ZC3H18: variants seen among roughly 807,000 people sequenced by gnomAD.
ZC3H18 encodes zinc finger CCCH domain-containing protein 18.
A neutral mutation model predicts 106.1 loss-of-function variants in ZC3H18; 8 were observed. The ratio of observed to expected loss-of-function variants is 0.08; its 90% CI spans 0.04 to 0.14. ZC3H18 has a LOEUF of 0.14. ZC3H18 is among the 10% of genes least tolerant of loss of function. The probability of loss-of-function intolerance (pLI) is 1.00; values close to 1 mark genes in which losing one functional copy is unlikely to be tolerated. For synonymous variants in ZC3H18, 635 were observed against 522.1 expected (o/e 1.22, Z -2.95); for missense variants, 1,318 against 1,278.4 (o/e 1.03, Z -0.47).
At position 88,598,291 on chromosome 16, in the gene ZC3H18, C is replaced by T. The variant is rs748627275; in HGVS notation, c.802C>T (p.Leu268Phe). 6.2e-7 allele frequency: 1 copy of T among 1,608,276 alleles called. No individual in the cohort carries two copies. Among genetic ancestry groups the T allele is most frequent in the Non-Finnish European group, 8.5e-7 (1 of 1,178,374 alleles). ...CTTCCCGCCTAATGGTGCCCCGCCT[C>T]TCGGACCTCACCCGCTGATGCCCGC... ...DPFPPNGAPP[L>F]GPHPLMPANP... Residue 268 changes from leucine (L) to phenylalanine (F), a missense_variant, in exon 4 of 18, where the codon CTC (leucine) becomes TTC (phenylalanine). Transcript: ENST00000301011.
chr16:88,584,713 C>T (rs2142573710), intron 2 of ZC3H18, among the ~76,000 whole-genome samples: 1 of 152,252 alleles, frequency 6.6e-6, no homozygotes, highest in South Asian at 2.1e-4. Context: ...GTCTGTTTAC[C>T]GATCACCTTT....
At chr16:88,586,367 T>TGCGG (rs1335625325) in intron 2 of ZC3H18, among the ~76,000 whole-genome samples, 2 of 152,350 alleles carry the variant, frequency 1.3e-5, no homozygotes, top group African/African-American at 4.8e-5. Context: ...TTGCCCTGTG[T>TGCGG]GCTGCACAGT....
intron 6 of ZC3H18, among the ~76,000 whole-genome samples, chr16:88,607,200 G>C (rs1400799884): frequency 3.3e-5 from 5 of 152,202 alleles, no homozygotes; most frequent in Non-Finnish European, 7.3e-5. Context: ...GGGCGTGCCT[G>C]GGTCTGCCTC....
intron 1 of ZC3H18, among the ~76,000 whole-genome samples, chr16:88,575,975 A>T (rs919042708): frequency 6.6e-6 from 1 of 152,158 alleles, no homozygotes; most frequent in Non-Finnish European, 1.5e-5. Flanking sequence ...ATCTCAGCTC[A>T]CTGCAAGCTC....
rs1266133615 is a variant in ZC3H18, at chr16:88,577,519, G to A, written c.396G>A (p.Glu132=). 1.2e-6 allele frequency: 2 copies of A among 1,613,114 alleles called. No homozygotes were observed. Among genetic ancestry groups the A allele is most frequent in the African/African-American group, 1.3e-5 (1 of 74,900 alleles). Residue 132 remains glutamate (E), a synonymous_variant, in exon 2 of 18, where the codon GAG becomes GAA. Coordinates refer to ENST00000301011, the MANE Select transcript of ZC3H18 (RefSeq NM_144604.4). ...ATGAGCATGAGCTAGACTACGATGAGGAGGTTCCTGAGGAGCCAGCTCCCG... is the reference window on the plus strand; with the variant it reads ...ATGAGCATGAGCTAGACTACGATGAAGAGGTTCCTGAGGAGCCAGCTCCCG... ...ELDEHELDYD[E]EVPEEPAPAV...
chr16:88,601,457 T>A (rs534749601), intron 6 of ZC3H18, among the ~76,000 whole-genome samples: 1 of 152,280 alleles, frequency 6.6e-6, no homozygotes, highest in East Asian at 1.9e-4. Flanking sequence ...TTTCCCTGGC[T>A]GGAGCAGGGA....
intron 2 of ZC3H18, among the ~76,000 whole-genome samples, chr16:88,580,807 C>T (rs921703654): frequency 8.5e-5 from 13 of 152,294 alleles, no homozygotes; most frequent in African/African-American, 2.6e-4. Context: ...GCAGCCTCTG[C>T]GTGTGGTGCA....
Position 88,631,173 on chromosome 16 carries a change from C to G in ZC3H18, c.2736C>G (p.Pro912=). ...GCGTGCCCGGCAAAGCCTCGGATCC[C>G]GGCGCCGCCAGCACCAAATCAGGGA... is the stretch of plus-strand genomic sequence containing the variant. ...VTSVPGKASD[P]GAASTKSGKA... Residue 912 remains proline, a synonymous_variant, in exon 18 of 18, where the codon CCC becomes CCG. Coordinates refer to ENST00000301011, the MANE Select transcript of ZC3H18 (RefSeq NM_144604.4). The G allele has an allele frequency of 1.2e-6, 2 of 1,613,580 alleles. No homozygotes were observed. The highest frequency in any genetic ancestry group is 1.7e-6 in the Non-Finnish European group (2 of 1,180,036).
Position 88,622,155 on chromosome 16 carries a change from C to A in ZC3H18, c.1476-42C>A, listed in dbSNP as rs368778291. ...TGTCACACCTGGCATTGCTGTGAAG[C>A]GGAAGGTGGCCTGAGAGTTGCTAAT... On this transcript the variant is annotated intron_variant, in intron 8 of 17. Transcript: ENST00000301011. 1.9e-6 allele frequency: 3 copies of A among 1,577,394 alleles called. No individual in the cohort carries two copies. The South Asian group carries it at 3.4e-5, about 18-fold the overall frequency.
chr16:88,622,413 G>T, intron 9 of ZC3H18, 25 bp downstream of exon 9: 1 of 1,578,086 alleles, frequency 6.3e-7, no homozygotes. Flanking sequence ...TGGGACGGCT[G>T]GGGTGTCAGC....
chr16:88,617,333 C>G (rs889320714), intron 8 of ZC3H18, among the ~76,000 whole-genome samples: 1 of 152,156 alleles, frequency 6.6e-6, no homozygotes, highest in East Asian at 1.9e-4. Context: ...TCTCTCCGTC[C>G]TAGTTTGCCT....
intron 5 of ZC3H18, among the ~76,000 whole-genome samples, chr16:88,599,339 C>CT (rs1472824479): frequency 2.0e-5 from 3 of 152,238 alleles, no homozygotes; most frequent in East Asian, 3.8e-4. Context: ...AGTGTGTGAG[C>CT]TTCAGCTCTG....
chr16:88,619,403 T>G (rs975832272), intron 8 of ZC3H18, among the ~76,000 whole-genome samples: 1 of 152,204 alleles, frequency 6.6e-6, no homozygotes, highest in Non-Finnish European at 1.5e-5. Flanking sequence ...AAGCAGCTGC[T>G]TCAGAAGGAA....
rs532724594 is a variant in ZC3H18, at chr16:88,591,558, C to A, written c.688+4874C>A. On this transcript the variant is annotated intron_variant, in intron 3 of 17. Transcript: ENST00000301011. ...CTGCACTCCAGCCTGGGCAACAGAA[C>A]GAGACTCCGTCTCCAAAAAAAAAAA... Among the ~76,000 whole-genome samples the A allele has an allele frequency of 5.3e-5, 8 of 150,326 alleles. No individual in the cohort carries two copies. The East Asian group carries it at 1.6e-3, about 29-fold the overall frequency.
In ZC3H18 at chr16:88,586,628, A is replaced by G; in HGVS notation, c.632A>G (p.Lys211Arg). 3 of 1,614,198 alleles carry G rather than the reference A, an allele frequency of 1.9e-6. No individual in the cohort carries two copies. Among genetic ancestry groups the G allele is most frequent in the Non-Finnish European group, 2.5e-6 (3 of 1,180,018 alleles). ...DDDDLEEGEV[K>R]DPSDRKVRPR... ...GATGACCTGGAAGAAGGTGAAGTGA[A>G]GGACCCCAGTGACAGGAAGGTGAGG... Residue 211 changes from lysine (K) to arginine (R), a missense_variant, in exon 3 of 18, where the codon AAG becomes AGG. Physicochemically the swap from Lys to Arg is conservative, Grantham distance 26. Around this residue, in one of 6 missense-constraint regions of ZC3H18, gnomAD observed 30 missense variants for 63.3 expected, o/e 0.47. Transcript: ENST00000301011.
intron 16 of ZC3H18, among the ~76,000 whole-genome samples, chr16:88,629,142 C>T (rs573951522): frequency 3.9e-5 from 6 of 152,258 alleles, no homozygotes; most frequent in East Asian, 3.9e-4. Flanking sequence ...AGTTCCAGAC[C>T]GGCCTGGCCA....
intron 8 of ZC3H18, among the ~76,000 whole-genome samples, chr16:88,615,641 G>A (rs961466288): frequency 6.6e-6 from 1 of 152,348 alleles, no homozygotes; most frequent in Admixed American, 6.5e-5. Context: ...ACGCCACCCA[G>A]ATCATTGGTT....
chr16:88,623,948 A>C lies in ZC3H18; in HGVS notation c.1794-10A>C, dbSNP rs757868983. 2.5e-6 allele frequency: 4 copies of C among 1,603,690 alleles called. No individual in the cohort carries two copies. The highest frequency in any genetic ancestry group is 1.7e-5 in the Admixed American group (1 of 59,068). ...CAGGCCCCTTCCGACACCTTTGTTC[A>C]CTCCCCTAGGTCCCGGTCCTTCTCT... On this transcript the variant is annotated splice_polypyrimidine_tract_variant and intron_variant, in intron 10 of 17. Coordinates refer to ENST00000301011, the MANE Select transcript of ZC3H18 (RefSeq NM_144604.4).
rs1906388939 is a variant in ZC3H18 at position 88,627,570 on chromosome 16, G to T, written c.2109-52G>T. On this transcript the variant is annotated intron_variant, in intron 13 of 17. Coordinates refer to ENST00000301011, the MANE Select transcript of ZC3H18 (RefSeq NM_144604.4). The surrounding 1 kb of genome is among the most constrained non-coding windows in gnomAD (Gnocchi z 4.5). ...GTGGACCATGGAGCACCCCCTGCTG[G>T]CCCCTCCCTCCAGTCTGGCTGGGGT... 6.4e-7 allele frequency: 1 copy of T among 1,554,556 alleles called. No homozygotes were observed. Among genetic ancestry groups the T allele is most frequent in the Non-Finnish European group, 8.7e-7 (1 of 1,145,332 alleles).
Sources: allele counts gnomAD v4.1 joint callset (sites outside exome capture counted in the v4.1 genomes callset), GRCh38; gene constraint gnomAD v4.1.1; regional missense constraint gnomAD v4.1.1; non-coding constraint Gnocchi (gnomAD v3.1); transcripts MANE v1.5; gene names NCBI Gene and HGNC (gene_info 2026-07-23, HGNC 2026-07-21).